FTO: variants seen among roughly 807,000 people sequenced by gnomAD.
FTO encodes the protein FTO alpha-ketoglutarate dependent dioxygenase, also known as alpha-ketoglutarate-dependent dioxygenase FTO.
Under a neutral mutation model 63.9 loss-of-function variants are expected in FTO, and 47 were observed. The observed-to-expected ratio is 0.74, with a 90% confidence interval of 0.58 to 0.94. The LOEUF (loss-of-function observed/expected upper bound fraction) is 0.94. Ranked by LOEUF, FTO falls within the 40% of genes least tolerant of loss-of-function variation. FTO has a pLI of 0.00. For synonymous variants in FTO, 207 were observed against 224.4 expected (o/e 0.92, Z 0.69); for missense variants, 562 against 618.1 (o/e 0.91, Z 0.96).
chr16:54,076,390 AG>A (rs1316966318), intron 8 of FTO, among the ~76,000 whole-genome samples: 3 of 152,168 alleles, frequency 2.0e-5, no homozygotes, highest in Admixed American at 1.3e-4. Flanking sequence ...GCAGCACCCT[AG>A]AAACATATAA....
chr16:53,872,880 T>C (rs937817319), intron 4 of FTO, among the ~76,000 whole-genome samples: 2 of 152,200 alleles, frequency 1.3e-5, no homozygotes, highest in Admixed American at 6.5e-5. Context: ...GAGGAAGTCA[T>C]GTCCTGAGCA....
At chr16:53,778,007 G>A (rs1176009606) in intron 1 of FTO, among the ~76,000 whole-genome samples, 1 of 152,100 alleles carries the variant, frequency 6.6e-6, no homozygotes, top group Non-Finnish European at 1.5e-5. Context: ...AGTACTTTAT[G>A]TATGTTTACT....
At position 54,013,562 on chromosome 16, in the gene FTO, T is replaced by A. The variant is rs980654539; in HGVS notation, c.1364+79453T>A. The A allele has an allele frequency of 3.3e-5, 5 of 152,440 alleles. No individual in the cohort carries two copies. The South Asian group carries it at 1.0e-3, about 31-fold the overall frequency. 9.4% of individuals were successfully genotyped at this position (152,440 alleles called of 1,614,324 possible). On this transcript the variant is annotated intron_variant, in intron 8 of 8. Coordinates refer to ENST00000471389, the MANE Select transcript of FTO (RefSeq NM_001080432.3). ...TTGCATGCTACAGAGAAATCTGTCATGAAAGGAAGAGTCAACTGTTGCAGC... is the reference window on the plus strand; with the variant it reads ...TTGCATGCTACAGAGAAATCTGTCAAGAAAGGAAGAGTCAACTGTTGCAGC...
intron 1 of FTO, among the ~76,000 whole-genome samples, chr16:53,803,562 G>T (rs1344536598): frequency 6.6e-6 from 1 of 152,162 alleles, no homozygotes; most frequent in East Asian, 1.9e-4. Context: ...AAAAAATGTT[G>T]TGTATGTTGT....
At chr16:53,875,089 GGAGGGAGGAAGGAAGA>G (rs2080610493) in intron 5 of FTO, among the ~76,000 whole-genome samples, 1 of 151,842 alleles carries the variant, frequency 6.6e-6, no homozygotes, top group African/African-American at 2.4e-5. Context: ...AAGAAGGGAG[GGAGGGAGGAAGGAAGA>G]GAGGGAGGGA....
chr16:53,862,387 G>A (rs947232172), intron 4 of FTO, among the ~76,000 whole-genome samples: 2 of 152,134 alleles, frequency 1.3e-5, no homozygotes, highest in Admixed American at 1.3e-4. Context: ...TTTCTGTTTG[G>A]ACATTTGTAG....
intron 2 of FTO, among the ~76,000 whole-genome samples, chr16:53,821,166 A>T (rs183006960): frequency 4.7e-4 from 72 of 152,312 alleles, no homozygotes; most frequent in African/African-American, 1.2e-3. Flanking sequence ...GCGTTTGTGC[A>T]TATGAGTGCA....
At chr16:53,908,497 C>T (rs2081594413) in intron 7 of FTO, among the ~76,000 whole-genome samples, 2 of 152,260 alleles carry the variant, frequency 1.3e-5, no homozygotes, top group Admixed American at 6.5e-5. Context: ...CTTCTTTTGC[C>T]AGATATAAGA....
chr16:54,038,954 T>C (rs1337759371), intron 8 of FTO, among the ~76,000 whole-genome samples: 1 of 152,188 alleles, frequency 6.6e-6, no homozygotes, highest in Non-Finnish European at 1.5e-5. Flanking sequence ...TGCCCTCATG[T>C]AAATACATCT....
chr16:53,729,630 T>G (rs1400637427), intron 1 of FTO, among the ~76,000 whole-genome samples: 2 of 152,136 alleles, frequency 1.3e-5, no homozygotes, highest in African/African-American at 4.8e-5. Context: ...TTTTCAGCCT[T>G]ATTTATTGTC....
At chr16:53,793,584 A>G (rs980621678) in intron 1 of FTO, among the ~76,000 whole-genome samples, 1 of 152,226 alleles carries the variant, frequency 6.6e-6, no homozygotes. Flanking sequence ...ACATTTTAAA[A>G]GTGCTAGAAA....
chr16:53,718,865 G>C (rs536538390), intron 1 of FTO, among the ~76,000 whole-genome samples: 1 of 152,118 alleles, frequency 6.6e-6, no homozygotes. Flanking sequence ...ATTTCAATTA[G>C]GAAAGTAAGA....
chr16:53,732,041 ATTTTTTTTTTT>A (rs375814669), intron 1 of FTO, among the ~76,000 whole-genome samples: 20 of 98,606 alleles, frequency 2.0e-4, no homozygotes, highest in Admixed American at 1.2e-3. Context: ...TTGTGGCCTT[ATTTTTTTTTTT>A]TTTTTTTTTT....
chr16:53,935,316 A>G (rs1052420830), intron 8 of FTO, among the ~76,000 whole-genome samples: 4 of 152,366 alleles, frequency 2.6e-5, no homozygotes, highest in South Asian at 2.1e-4. Flanking sequence ...TAGCTTTACT[A>G]GTAATAATTA....
intron 6 of FTO, 23 bp from the exon 7 acceptor site, chr16:53,888,809 C>T (rs1329535522): frequency 6.2e-7 from 1 of 1,613,678 alleles, no homozygotes; most frequent in South Asian, 1.1e-5. Flanking sequence ...TTAAAACCAC[C>T]ATCTTCTCTT....
chr16:53,710,707 A>G (rs1276759384), intron 1 of FTO, among the ~76,000 whole-genome samples: 1 of 152,196 alleles, frequency 6.6e-6, no homozygotes, highest in Non-Finnish European at 1.5e-5. Context: ...ATTATTTTCT[A>G]ATATTTAAAA....
intron 7 of FTO, among the ~76,000 whole-genome samples, chr16:53,894,634 G>T (rs984295604): frequency 6.6e-6 from 1 of 151,412 alleles, no homozygotes; most frequent in Non-Finnish European, 1.5e-5. Flanking sequence ...ACCAATTTTT[G>T]TGTGTGTGTG....
chr16:53,772,810 A>G (rs572962591), intron 1 of FTO, among the ~76,000 whole-genome samples: 17 of 152,278 alleles, frequency 1.1e-4, no homozygotes, highest in Middle Eastern at 3.4e-3. Flanking sequence ...CTCAGGTTAC[A>G]TGGTCTTTTA....
chr16:53,760,779 G>A (rs550419762), intron 1 of FTO, among the ~76,000 whole-genome samples: 51 of 151,286 alleles, frequency 3.4e-4, no homozygotes, highest in Middle Eastern at 3.4e-3. Context: ...GGTATGCACC[G>A]CTATGCCCAG....
Sources: gnomAD v4.1 joint callset for allele counts (sites outside exome capture counted in the v4.1 genomes callset) on GRCh38, gnomAD v4.1.1 for gene constraint, MANE v1.5 for transcripts, NCBI Gene and HGNC (gene_info 2026-07-23, HGNC 2026-07-21) for gene names.